Variants in SSBP2 observed in about 807,000 individuals in gnomAD.
The protein encoded by SSBP2 is single stranded DNA binding protein 2, also known as single-stranded DNA-binding protein 2.
SSBP2 carries 17 observed loss-of-function variants against 61.8 expected under a neutral mutation model. That is an observed-to-expected ratio of 0.28 (90% CI 0.19 to 0.41). SSBP2 has a LOEUF of 0.41. Ranked by LOEUF, SSBP2 falls within the 10% of genes least tolerant of loss-of-function variation. SSBP2 has a pLI of 1.00. For synonymous variants in SSBP2, 139 were observed against 141.3 expected, an observed-to-expected ratio of 0.98 and a Z score of 0.12; for missense variants, 310 against 458.7, an observed-to-expected ratio of 0.68 and a Z score of 2.96.
intron 6 of SSBP2, among the ~76,000 whole-genome samples, chr5:81,476,380 T>C (rs967247956): frequency 3.3e-5 from 5 of 152,220 alleles, no homozygotes; most frequent in Non-Finnish European, 5.9e-5. Context: ...TGTCTCTTCA[T>C]GTTCTTCTAA....
chr5:81,518,643 A>G (rs989055770), intron 4 of SSBP2, among the ~76,000 whole-genome samples: 1 of 152,088 alleles, frequency 6.6e-6, no homozygotes, highest in Non-Finnish European at 1.5e-5. Context: ...GACATAAGCC[A>G]TCTGTAGGTA....
chr5:81,448,918 T>A, intron 10 of SSBP2, 93 bp from the exon 11 acceptor site: 1 of 1,050,334 alleles, frequency 9.5e-7, no homozygotes, highest in East Asian at 2.5e-5. Context: ...TTTGTCAAGT[T>A]TTAAAATGTA....
At chr5:81,735,162 TA>T (rs1756516660) in intron 1 of SSBP2, among the ~76,000 whole-genome samples, 2 of 152,022 alleles carry the variant, frequency 1.3e-5, no homozygotes, top group African/African-American at 4.8e-5. Flanking sequence ...TTATATTAAA[TA>T]TATAGAGATA....
At chr5:81,504,868 C>A (rs1374458090) in intron 5 of SSBP2, among the ~76,000 whole-genome samples, 1 of 152,140 alleles carries the variant, frequency 6.6e-6, no homozygotes, top group African/African-American at 2.4e-5. Context: ...GCTAGTGATC[C>A]TCAAATTTTA....
intron 4 of SSBP2, among the ~76,000 whole-genome samples, chr5:81,536,917 T>C (rs527585485): frequency 8.6e-5 from 13 of 151,806 alleles, no homozygotes; most frequent in African/African-American, 3.1e-4. Context: ...GCTAGGAGAA[T>C]TGCTTGAACC....
Position 81,712,959 on chromosome 5 carries a change from C to T in SSBP2, c.62+38022G>A, listed in dbSNP as rs1328307068. Among the ~76,000 whole-genome samples the T allele has an allele frequency of 2.6e-5, 4 of 151,856 alleles. No individual in the cohort carries two copies. The East Asian group carries it at 5.8e-4, about 22-fold the overall frequency. On this transcript the variant is annotated intron_variant, in intron 1 of 16. Coordinates refer to ENST00000320672, the MANE Select transcript of SSBP2 (RefSeq NM_012446.5). ...TACAGGCTGATCCTGAACTTCTGGG[C>T]TCAAGCAATCCACCCACCTCAGCCT... is the stretch of plus-strand genomic sequence containing the variant.
intron 4 of SSBP2, among the ~76,000 whole-genome samples, chr5:81,531,097 G>T (rs1394884327): frequency 2.0e-5 from 3 of 151,604 alleles, no homozygotes; most frequent in Non-Finnish European, 4.4e-5. Flanking sequence ...AATTAGCTAG[G>T]CATGGTGGTG....
At chr5:81,497,724 G>T (rs762630229) in intron 5 of SSBP2, among the ~76,000 whole-genome samples, 10 of 152,102 alleles carry the variant, frequency 6.6e-5, no homozygotes, top group Non-Finnish European at 1.2e-4. Context: ...GTATACAAGA[G>T]AACTTATAAT....
chr5:81,710,877 C>G (rs1480575008), intron 1 of SSBP2: 2 of 244,796 alleles, frequency 8.2e-6, no homozygotes, highest in East Asian at 2.3e-4. Context: ...ATCTGCAAAT[C>G]AAGTTTAAAA....
intron 1 of SSBP2, among the ~76,000 whole-genome samples, chr5:81,686,868 A>AAAAGAAAAGAAAAG (rs1554112685): frequency 3.4e-5 from 2 of 59,470 alleles, no homozygotes; most frequent in African/African-American, 1.6e-4. Context: ...AAAAAAAAAA[A>AAAAGAAAAGAAAAG]AAAAGAAAAG....
intron 3 of SSBP2, among the ~76,000 whole-genome samples, chr5:81,634,869 C>T (rs1200116889): frequency 6.6e-6 from 1 of 152,218 alleles, no homozygotes; most frequent in Non-Finnish European, 1.5e-5. Flanking sequence ...GATATCAGCT[C>T]TTCCAGGTGA....
intron 4 of SSBP2, among the ~76,000 whole-genome samples, chr5:81,583,488 G>A (rs1357740528): frequency 6.6e-6 from 1 of 151,978 alleles, no homozygotes; most frequent in East Asian, 1.9e-4. Context: ...AAATTAGCTG[G>A]GCATGGTGGC....
intron 6 of SSBP2, among the ~76,000 whole-genome samples, chr5:81,484,316 C>T (rs1233273675): frequency 6.6e-6 from 1 of 152,108 alleles, no homozygotes; most frequent in East Asian, 1.9e-4. Context: ...AAAACTATAA[C>T]TTAATTGTAT....
chr5:81,686,144 T>G (rs983507199), intron 1 of SSBP2, among the ~76,000 whole-genome samples: 2 of 152,202 alleles, frequency 1.3e-5, no homozygotes, highest in African/African-American at 4.8e-5. Context: ...AACCAGTTAT[T>G]CCTTTAAAAT....
chr5:81,473,591 A>G (rs2154023289), intron 8 of SSBP2, 109 bp downstream of exon 8: 3 of 926,180 alleles, frequency 3.2e-6, no homozygotes, highest in Non-Finnish European at 3.4e-6. Flanking sequence ...ATGGCTGCAT[A>G]GTATTCCATG....
At chr5:81,630,967 T>A (rs1306681352) in intron 3 of SSBP2, among the ~76,000 whole-genome samples, 1 of 152,194 alleles carries the variant, frequency 6.6e-6, no homozygotes, top group Non-Finnish European at 1.5e-5. Flanking sequence ...TAAAATGGTC[T>A]CTTATGCCAT....
At chr5:81,706,905 G>A (rs1323167828) in intron 1 of SSBP2, among the ~76,000 whole-genome samples, 1 of 152,106 alleles carries the variant, frequency 6.6e-6, no homozygotes, top group Non-Finnish European at 1.5e-5. Flanking sequence ...AGCATGAGGT[G>A]ACACACAGAC....
At chr5:81,727,254 A>G (rs1755948523) in intron 1 of SSBP2, among the ~76,000 whole-genome samples, 1 of 152,228 alleles carries the variant, frequency 6.6e-6, no homozygotes, top group Admixed American at 6.5e-5. Context: ...TATTAATCAC[A>G]TATGAAGAAT....
At chr5:81,661,670 T>C (rs1750712885) in intron 1 of SSBP2, among the ~76,000 whole-genome samples, 1 of 152,206 alleles carries the variant, frequency 6.6e-6, no homozygotes, top group Non-Finnish European at 1.5e-5. Flanking sequence ...TCTATTCATG[T>C]CCTTTCCCCA....
Sources: allele counts gnomAD v4.1 joint callset (sites outside exome capture counted in the v4.1 genomes callset), GRCh38; gene constraint gnomAD v4.1.1; transcripts MANE v1.5; gene names NCBI Gene and HGNC (gene_info 2026-07-23, HGNC 2026-07-21).